The following TIMP2 variants were observed in gnomAD, a reference collection of about 807,000 sequenced individuals.
The protein encoded by TIMP2 is metalloproteinase inhibitor 2.
A neutral mutation model predicts 24.3 loss-of-function variants in TIMP2; 5 were observed. The ratio of observed to expected loss-of-function variants is 0.21; its 90% CI spans 0.11 to 0.43. The LOEUF is 0.43. TIMP2 is among the 20% of genes least tolerant of loss of function. The pLI, the probability that TIMP2 is intolerant of heterozygous loss-of-function variation, is 1.00. For missense variants in TIMP2, 221 were observed against 297.5 expected (o/e 0.74, Z 1.89); for synonymous variants, 130 against 123.2 (o/e 1.06, Z -0.37).
chr17:78,917,092 A>T (rs1433385668), intron 1 of TIMP2, among the ~76,000 whole-genome samples: 3 of 152,144 alleles, frequency 2.0e-5, no homozygotes, highest in Admixed American at 6.5e-5. Flanking sequence ...CTCTACTAAA[A>T]ATACAAAAAA....
chr17:78,858,104 C>T (rs957078408), intron 3 of TIMP2, among the ~76,000 whole-genome samples: 29 of 151,604 alleles, frequency 1.9e-4, no homozygotes, highest in Non-Finnish European at 1.5e-4. Context: ...AAAAGAAAGC[C>T]ATAATGCATG....
intron 3 of TIMP2, among the ~76,000 whole-genome samples, chr17:78,866,241 G>A (rs1203110800): frequency 6.6e-6 from 1 of 152,182 alleles, no homozygotes. Context: ...ATGCCACACT[G>A]CAGACCATGC....
intron 1 of TIMP2, among the ~76,000 whole-genome samples, chr17:78,882,504 G>T (rs1229574451): frequency 6.6e-6 from 1 of 152,192 alleles, no homozygotes; most frequent in East Asian, 1.9e-4. Flanking sequence ...GATCGCTGTG[G>T]GATCCCTAAA....
At chr17:78,874,742 T>C (rs573071362) in intron 1 of TIMP2, among the ~76,000 whole-genome samples, 2 of 148,784 alleles carry the variant, frequency 1.3e-5, no homozygotes, top group Non-Finnish European at 3.0e-5. Context: ...CACGCCCGGT[T>C]AATTTTTTTT....
chr17:78,887,539 C>T (rs1447450697), intron 1 of TIMP2, among the ~76,000 whole-genome samples: 1 of 152,154 alleles, frequency 6.6e-6, no homozygotes, highest in Non-Finnish European at 1.5e-5. Flanking sequence ...TGCGCGCCGC[C>T]ACGCCCGGCT....
At chr17:78,923,209 T>C (rs566226426) in intron 1 of TIMP2, among the ~76,000 whole-genome samples, 10 of 151,474 alleles carry the variant, frequency 6.6e-5, no homozygotes, top group Admixed American at 5.2e-4. Flanking sequence ...AAGAGGAGAG[T>C]GCTGCGCTGA....
chr17:78,890,460 C>T, intron 1 of TIMP2: 1 of 679,432 alleles, frequency 1.5e-6, no homozygotes, highest in Non-Finnish European at 2.3e-6. Context: ...CCGACCTCGG[C>T]CTCCCAAAGT....
At chr17:78,876,846 C>T (rs922496088) in intron 1 of TIMP2, among the ~76,000 whole-genome samples, 2 of 152,082 alleles carry the variant, frequency 1.3e-5, no homozygotes, top group Admixed American at 6.6e-5. Flanking sequence ...AAGTTTCTTC[C>T]GCCCCAAATG....
intron 3 of TIMP2, among the ~76,000 whole-genome samples, chr17:78,870,499 A>G (rs560614967): frequency 1.3e-5 from 2 of 152,118 alleles, no homozygotes; most frequent in Non-Finnish European, 2.9e-5. Flanking sequence ...ATTTTACCAC[A>G]ATAAAAAAAG....
intron 2 of TIMP2, among the ~76,000 whole-genome samples, chr17:78,872,152 CT>C (rs879470838): frequency 2.9e-3 from 408 of 141,404 alleles, no homozygotes; most frequent in Middle Eastern, 7.4e-3. Flanking sequence ...CCATGCTTGG[CT>C]TTTTTTTTTT....
At chr17:78,872,745 G>C (rs1010753001) in intron 2 of TIMP2, among the ~76,000 whole-genome samples, 1 of 152,190 alleles carries the variant, frequency 6.6e-6, no homozygotes, top group African/African-American at 2.4e-5. Flanking sequence ...GGCACTGAGA[G>C]ACTAGGTCAT....
chr17:78,870,838 C>T (rs1377591481), intron 3 of TIMP2, 60 bp downstream of exon 3: 16 of 1,460,496 alleles, frequency 1.1e-5, no homozygotes, highest in East Asian at 6.9e-5. Flanking sequence ...CCCTGGACCG[C>T]GTCTAGGAAC....
At chr17:78,879,820 G>C (rs927627688) in intron 1 of TIMP2, among the ~76,000 whole-genome samples, 1 of 152,036 alleles carries the variant, frequency 6.6e-6, no homozygotes, top group African/African-American at 2.4e-5. Flanking sequence ...ACACGCAACT[G>C]CAGGGTCCCC....
intron 2 of TIMP2, among the ~76,000 whole-genome samples, chr17:78,872,090 G>C (rs1027174885): frequency 2.6e-5 from 4 of 151,392 alleles, no homozygotes; most frequent in South Asian, 4.2e-4. Context: ...CCAGGCTCAA[G>C]TGATCCTCCC....
intron 1 of TIMP2, among the ~76,000 whole-genome samples, chr17:78,888,696 C>T (rs989280000): frequency 6.6e-6 from 1 of 152,212 alleles, no homozygotes; most frequent in South Asian, 2.1e-4. Context: ...AGTGATCCTC[C>T]TGCGCTGGCT....
chr17:78,918,600 A>AC (rs1443107881), intron 1 of TIMP2, among the ~76,000 whole-genome samples: 1 of 150,788 alleles, frequency 6.6e-6, no homozygotes, highest in Non-Finnish European at 1.5e-5. Flanking sequence ...TGCTTACTCC[A>AC]CCCCCCGACA....
chr17:78,890,753 C>T (rs995180714), intron 1 of TIMP2: 93 of 1,550,524 alleles, frequency 6.0e-5, no homozygotes, highest in Non-Finnish European at 7.4e-5. Context: ...CTGACTGTGC[C>T]GGTCGTCGTC....
At position 78,883,549 on chromosome 17, in the gene TIMP2, G is replaced by A. The variant is rs528224070; in HGVS notation, c.131-9630C>T. Among the ~76,000 whole-genome samples, 30 of 152,302 alleles carry A rather than the reference G, an allele frequency of 2.0e-4. No homozygotes were observed. In the East Asian group the frequency reaches 2.9e-3, roughly 15 times the overall value. ...ACAACAGAGATCAGGGAACAGAAGC[G>A]CAGCCTCAGCCGGGGCCACACCGCC... On this transcript the variant is annotated intron_variant, in intron 1 of 4. Transcript: ENST00000262768.
intron 1 of TIMP2, among the ~76,000 whole-genome samples, chr17:78,919,704 G>A (rs1218746777): frequency 5.9e-5 from 9 of 152,102 alleles, no homozygotes; most frequent in Admixed American, 1.3e-4. Flanking sequence ...GCATGGTGGC[G>A]GGCACCTGTA....
Sources: allele counts gnomAD v4.1 joint callset (sites outside exome capture counted in the v4.1 genomes callset), GRCh38; gene constraint gnomAD v4.1.1; transcripts MANE v1.5; gene names NCBI Gene and HGNC (gene_info 2026-07-23, HGNC 2026-07-21).